Variants in ROBO2 observed in about 807,000 individuals in gnomAD.
ROBO2 encodes roundabout homolog 2.
A neutral mutation model predicts 160.8 loss-of-function variants in ROBO2; 53 were observed. The ratio of observed to expected loss-of-function variants is 0.33; its 90% confidence interval spans 0.26 to 0.41. The LOEUF is 0.41. ROBO2 is among the 10% of genes least tolerant of loss of function. The probability of loss-of-function intolerance (pLI) is 1.00; values close to 1 mark genes in which losing one functional copy is unlikely to be tolerated. For missense variants in ROBO2, 1,577 were observed against 1,722.4 expected (o/e 0.92, Z 1.49); for synonymous variants, 664 against 611.7 (o/e 1.09, Z -1.26).
chr3:77,056,653 A>T (rs1432590034), intron 1 of ROBO2, among the ~76,000 whole-genome samples: 1 of 152,188 alleles, frequency 6.6e-6, no homozygotes, highest in Non-Finnish European at 1.5e-5. Flanking sequence ...CAGATAACTC[A>T]AAACTCAGAC....
intron 1 of ROBO2, among the ~76,000 whole-genome samples, chr3:75,920,208 C>T (rs1160718299): frequency 1.3e-5 from 2 of 152,176 alleles, no homozygotes; most frequent in African/African-American, 4.8e-5. Flanking sequence ...ACCTGTGTCC[C>T]AGATATTCTG....
intron 2 of ROBO2, among the ~76,000 whole-genome samples, chr3:77,284,597 A>G (rs1465393905): frequency 6.6e-6 from 1 of 152,168 alleles, no homozygotes; most frequent in Non-Finnish European, 1.5e-5. Flanking sequence ...CACTAGTCAA[A>G]CAATAAAGTG....
chr3:76,871,565 A>AG (rs933291293), intron 2 of ROBO2, among the ~76,000 whole-genome samples: 2 of 151,916 alleles, frequency 1.3e-5, no homozygotes, highest in African/African-American at 2.4e-5. Context: ...AAAAAAGAAA[A>AG]AAAAAGAAAA....
chr3:77,407,007 A>G (rs760911789), intron 2 of ROBO2, among the ~76,000 whole-genome samples: 7 of 152,118 alleles, frequency 4.6e-5, no homozygotes, highest in Admixed American at 1.3e-4. Context: ...CTTTTTATAT[A>G]TAGATATAGG....
intron 2 of ROBO2, among the ~76,000 whole-genome samples, chr3:76,223,819 G>T (rs1704126329): frequency 6.6e-6 from 1 of 152,130 alleles, no homozygotes; most frequent in Non-Finnish European, 1.5e-5. Context: ...CTCATCATTT[G>T]TCCAGTGACA....
chr3:75,924,540 A>T (rs1317628061), intron 1 of ROBO2, among the ~76,000 whole-genome samples: 1 of 152,110 alleles, frequency 6.6e-6, no homozygotes, highest in Non-Finnish European at 1.5e-5. Context: ...AAGACAAAAA[A>T]TGTGTTGTTT....
chr3:77,244,478 GAAT>G (rs2089459555), intron 2 of ROBO2, among the ~76,000 whole-genome samples: 1 of 152,190 alleles, frequency 6.6e-6, no homozygotes, highest in Non-Finnish European at 1.5e-5. Context: ...GGTGTGTAAT[GAAT>G]TGTTAGTAGT....
intron 2 of ROBO2, among the ~76,000 whole-genome samples, chr3:76,334,478 T>G (rs1233585771): frequency 6.6e-6 from 1 of 152,170 alleles, no homozygotes; most frequent in Admixed American, 6.5e-5. Flanking sequence ...ACATCTCAAG[T>G]TGAAGAAAAC....
At chr3:75,984,071 A>G (rs1001329787) in intron 2 of ROBO2, among the ~76,000 whole-genome samples, 12 of 151,376 alleles carry the variant, frequency 7.9e-5, no homozygotes, top group Non-Finnish European at 1.5e-5. Context: ...TCATTACAAC[A>G]CACCACTGCA....
At chr3:77,525,628 C>T (rs2091063909) in intron 6 of ROBO2, among the ~76,000 whole-genome samples, 1 of 151,064 alleles carries the variant, frequency 6.6e-6, no homozygotes, top group Admixed American at 6.6e-5. Context: ...ACATTTTACC[C>T]ATTTTTAATT....
intron 2 of ROBO2, among the ~76,000 whole-genome samples, chr3:76,044,384 C>T (rs752158950): frequency 4.6e-5 from 7 of 151,974 alleles, no homozygotes; most frequent in Non-Finnish European, 1.0e-4. Context: ...CAGAACTCTC[C>T]ATAATTCATA....
At chr3:77,188,919 G>A (rs9852548) in intron 2 of ROBO2, among the ~76,000 whole-genome samples, 27,702 of 150,956 alleles carry the variant, frequency 0.18, 2,807 homozygotes, top group Middle Eastern at 0.28. Flanking sequence ...TCAAATATTT[G>A]AAACTTGAAG....
chr3:77,449,125 A>C (rs2080872907), intron 2 of ROBO2, among the ~76,000 whole-genome samples: 1 of 152,098 alleles, frequency 6.6e-6, no homozygotes, highest in Non-Finnish European at 1.5e-5. Context: ...AAATCATAAA[A>C]CATGGAATTA....
At chr3:76,683,188 A>C (rs1319397938) in intron 2 of ROBO2, among the ~76,000 whole-genome samples, 2 of 152,172 alleles carry the variant, frequency 1.3e-5, no homozygotes, top group Admixed American at 6.6e-5. Flanking sequence ...CAGAAAATAT[A>C]ATTACCAAGG....
chr3:76,992,411 C>T (rs2060733705), intron 2 of ROBO2, among the ~76,000 whole-genome samples: 1 of 144,568 alleles, frequency 6.9e-6, no homozygotes, highest in African/African-American at 2.6e-5. Flanking sequence ...ATATTTAAAG[C>T]TCTACTCTTC....
chr3:77,585,804 T>G (rs1454506761), intron 16 of ROBO2, among the ~76,000 whole-genome samples: 1 of 152,074 alleles, frequency 6.6e-6, no homozygotes, highest in East Asian at 1.9e-4. Context: ...ATTCCTTAGT[T>G]GAGAAGTGAT....
chr3:76,622,921 A>C (rs1290319582), intron 2 of ROBO2, among the ~76,000 whole-genome samples: 1 of 152,212 alleles, frequency 6.6e-6, no homozygotes, highest in Non-Finnish European at 1.5e-5. Flanking sequence ...ATCCAGTGAC[A>C]GGCTTCCCCG....
intron 2 of ROBO2, among the ~76,000 whole-genome samples, chr3:77,437,279 A>G (rs1354221847): frequency 7.9e-5 from 12 of 152,020 alleles, no homozygotes; most frequent in Admixed American, 6.6e-5. Flanking sequence ...AAGTTTGTTT[A>G]TGATATGAGG....
chr3:76,754,758 T>G (rs1428689091), intron 2 of ROBO2, among the ~76,000 whole-genome samples: 1 of 151,844 alleles, frequency 6.6e-6, no homozygotes, highest in African/African-American at 2.4e-5. Flanking sequence ...TGAGACTCAT[T>G]ATTAATTAGG....
Sources: gnomAD v4.1 joint callset for allele counts (sites outside exome capture counted in the v4.1 genomes callset) on GRCh38, gnomAD v4.1.1 for gene constraint, MANE v1.5 for transcripts, NCBI Gene and HGNC (gene_info 2026-07-23, HGNC 2026-07-21) for gene names.